SH3BP1: variants seen among roughly 807,000 people sequenced by gnomAD.
SH3BP1 encodes SH3 domain-binding protein 1.
SH3BP1 carries 46 observed loss-of-function variants against 69.8 expected under a neutral mutation model. The ratio of observed to expected loss-of-function variants is 0.66; its 90% CI spans 0.52 to 0.84. The LOEUF (loss-of-function observed/expected upper bound fraction) is 0.84. Ranked by LOEUF, SH3BP1 falls within the 40% of genes least tolerant of loss-of-function variation. The probability of loss-of-function intolerance (pLI) is 0.00; values close to 1 mark genes in which losing one functional copy is unlikely to be tolerated. For missense variants in SH3BP1, 868 were observed against 930.9 expected, an observed-to-expected ratio of 0.93 and a Z score of 0.88; for synonymous variants, 403 against 378.0, an observed-to-expected ratio of 1.07 and a Z score of -0.77.
intron 17 of SH3BP1, 25 bp downstream of exon 17, chr22:37,653,898 A>C: frequency 1.9e-6 from 1 of 524,216 alleles, no homozygotes; most frequent in African/African-American, 2.3e-5. Flanking sequence ...GGAGGGGAGG[A>C]GGGGACAGAG....
chr22:37,650,821 A>G (rs1932865744), intron 16 of SH3BP1, 96 bp downstream of exon 16: 5 of 1,440,556 alleles, frequency 3.5e-6, no homozygotes, highest in Non-Finnish European at 4.7e-6. Flanking sequence ...ATTTTTGGAA[A>G]TGTAATTATT....
intron 17 of SH3BP1, among the ~76,000 whole-genome samples, chr22:37,654,973 TAAATGGGCAAG>T (rs1932975193): frequency 6.8e-6 from 1 of 146,970 alleles, no homozygotes; most frequent in South Asian, 2.1e-4. Context: ...AAATTCAAAA[TAAATGGGCAAG>T]ATAATTTCAG....
In SH3BP1 at chr22:37,639,710, G is replaced by C; in HGVS notation, c.-78G>C. 1 of 911,640 alleles carries C rather than the reference G, an allele frequency of 1.1e-6. No individual in the cohort carries two copies. Among genetic ancestry groups the C allele is most frequent in the South Asian group, 1.8e-5 (1 of 55,308 alleles). The allele number at this position is 911,640 out of a possible 1,614,324, so 56.5% of individuals were successfully genotyped here. ...CATCCGGGGCAAGAGCCGCGCCGCAGGAGAGGCAGGCTGGACCGGGGGCTC... is the reference window on the plus strand; with the variant it reads ...CATCCGGGGCAAGAGCCGCGCCGCACGAGAGGCAGGCTGGACCGGGGGCTC... On this transcript the variant is annotated 5_prime_UTR_variant, in exon 1 of 18. Coordinates refer to ENST00000649765, the MANE Select transcript of SH3BP1 (RefSeq NM_018957.6).
intron 14 of SH3BP1, 62 bp from the exon 15 acceptor site, chr22:37,650,090 G>C (rs756516323): frequency 3.2e-6 from 5 of 1,574,982 alleles, no homozygotes; most frequent in Non-Finnish European, 4.4e-6. Context: ...GCCCAGCACA[G>C]AGCCAGCCAG....
In SH3BP1 at chr22:37,647,532, G is replaced by T. The variant is rs1451624575; in HGVS notation, c.1199+11G>T. On this transcript the variant is annotated intron_variant, in intron 13 of 17. Transcript: ENST00000649765. The stretch of plus-strand genomic sequence containing the variant: ...CCTCAGCAACCTCAGGTGAGCCCGA[G>T]CCCGCCTCCCCAGCCTGCCGCAGAG... The T allele has an allele frequency of 1.6e-5, 25 of 1,587,366 alleles. No individual in the cohort carries two copies. Among genetic ancestry groups the T allele is most frequent in the Non-Finnish European group, 2.1e-5 (25 of 1,171,350 alleles).
chr22:37,654,207 G>C (rs1048133096), intron 17 of SH3BP1, among the ~76,000 whole-genome samples: 1 of 152,126 alleles, frequency 6.6e-6, no homozygotes, highest in Non-Finnish European at 1.5e-5. Context: ...GTGAGTACTG[G>C]GGTACTGGAG....
chr22:37,647,397 G>A, intron 12 of SH3BP1, 44 bp from the exon 13 acceptor site: 1 of 1,612,690 alleles, frequency 6.2e-7, no homozygotes, highest in Non-Finnish European at 8.5e-7. Flanking sequence ...GGATGCAAAG[G>A]TGTAGCCCTG....
chr22:37,641,103 C>T (rs766042769), intron 1 of SH3BP1, 23 bp from the exon 2 acceptor site: 16 of 1,253,834 alleles, frequency 1.3e-5, no homozygotes, highest in Middle Eastern at 2.1e-4. Context: ...CACTCTCCCC[C>T]CCCCCCCCAC....
chr22:37,655,186 A>C, intron 17 of SH3BP1, 86 bp from the exon 18 acceptor site: 1 of 961,936 alleles, frequency 1.0e-6, no homozygotes, highest in Non-Finnish European at 1.5e-6. Context: ...AGCAGATGCA[A>C]AGGTTGTGAG....
intron 11 of SH3BP1, 114 bp from the exon 12 acceptor site, chr22:37,647,153 G>T (rs1932799014): frequency 3.1e-6 from 3 of 969,310 alleles, no homozygotes; most frequent in Admixed American, 2.1e-5. Flanking sequence ...ACAGCCCAAA[G>T]AAACTGTCAG....
chr22:37,650,213 G>C lies in SH3BP1; in HGVS notation c.1378G>C (p.Ala460Pro). Residue 460 changes from alanine to proline, a missense_variant, in exon 15 of 18, where the codon GCG becomes CCG. By Grantham distance (27) the Ala-to-Pro change is conservative. This residue lies in a region of SH3BP1 where 474 missense variants were observed against 462.3 expected (regional missense o/e 1.03). Coordinates refer to ENST00000649765, the MANE Select transcript of SH3BP1 (RefSeq NM_018957.6). ...CATCCAGGTGGTGGGCGTCGTCGAG[G>C]CGCTGATCCAGAGCGCAGACACCCT... ...SSIQVVGVVEALIQSADTLFP... is the reference protein window; with the variant it reads ...SSIQVVGVVEPLIQSADTLFP... 6.2e-7 allele frequency: 1 copy of C among 1,613,606 alleles called. No individual in the cohort carries two copies. Among genetic ancestry groups the C allele is most frequent in the South Asian group, 1.1e-5 (1 of 90,982 alleles).
intron 10 of SH3BP1, among the ~76,000 whole-genome samples, chr22:37,646,422 A>AT (rs1028602921): frequency 1.3e-5 from 2 of 150,692 alleles, no homozygotes; most frequent in African/African-American, 4.9e-5. Flanking sequence ...TGCCCAGCTA[A>AT]TTTTTTTTAT....
At position 37,643,078 on chromosome 22, in the gene SH3BP1, C is replaced by G. The variant is rs748470571; in HGVS notation, c.397-20C>G. On this transcript the variant is annotated intron_variant, in intron 5 of 17. Coordinates refer to ENST00000649765, the MANE Select transcript of SH3BP1 (RefSeq NM_018957.6). ...CTCCCTCCTCCCCCAGCACACTGAC[C>G]CCCCCATGCCCATCCCCAGGAGGAG... is the stretch of plus-strand genomic sequence containing the variant. 5.0e-5 allele frequency: 80 copies of G among 1,609,504 alleles called. No individual in the cohort carries two copies. The highest frequency in any genetic ancestry group is 6.5e-5 in the Non-Finnish European group (77 of 1,177,802).
intron 2 of SH3BP1, 64 bp downstream of exon 2, chr22:37,641,232 C>G (rs189598785): frequency 6.5e-7 from 1 of 1,531,314 alleles, no homozygotes; most frequent in African/African-American, 1.4e-5. Flanking sequence ...AGCAGAGGGC[C>G]GGGGCGGGGA....
At chr22:37,643,874 G>A (rs1335385483) in intron 7 of SH3BP1, 86 bp downstream of exon 7, 3 of 1,546,084 alleles carry the variant, frequency 1.9e-6, no homozygotes, top group African/African-American at 1.4e-5. Flanking sequence ...CTGAAGTTCA[G>A]AGAGGTGACA....
In SH3BP1 at chr22:37,655,518, C is replaced by T. The variant is rs369221850; in HGVS notation, c.1940C>T (p.Pro647Leu). The change falls in exon 18 of 18, where the codon CCA (proline) becomes CTA (leucine). Residue 647 changes from proline to leucine, a missense_variant. By Grantham distance (98) the Pro-to-Leu change is moderately conservative. This residue lies in a region of SH3BP1 where 474 missense variants were observed against 462.3 expected (regional missense o/e 1.03). Coordinates refer to ENST00000649765, the MANE Select transcript of SH3BP1 (RefSeq NM_018957.6). ...CCAGCCTCCCCCAGCCCGGCCTCCCCAGGTCCAGCCTCCCCCAGCCCAGTC... is the reference window on the plus strand; with the variant it reads ...CCAGCCTCCCCCAGCCCGGCCTCCCTAGGTCCAGCCTCCCCCAGCCCAGTC... ...RSPASPSPAS[P>L]GPASPSPVSL... 66 of 1,583,502 alleles carry T rather than the reference C, an allele frequency of 4.2e-5. No homozygotes were observed. The highest frequency in any genetic ancestry group is 5.4e-5 in the Non-Finnish European group (63 of 1,166,480).
intron 17 of SH3BP1, 58 bp downstream of exon 17, chr22:37,653,931 G>A (rs1376817470): frequency 7.5e-6 from 9 of 1,197,282 alleles, no homozygotes; most frequent in Non-Finnish European, 1.1e-5. Flanking sequence ...GAGGGGACAG[G>A]CAGTCCCAGG....
chr22:37,641,104 C>A lies in SH3BP1; in HGVS notation c.60-22C>A, dbSNP rs564498679. 1,181 of 1,286,784 alleles carry A rather than the reference C, an allele frequency of 9.2e-4. 5 individuals are homozygous for A. Among genetic ancestry groups the A allele is most frequent in the Non-Finnish European group, 1.1e-3 (979 of 926,394 alleles). 79.7% of individuals were successfully genotyped at this position (1,286,784 alleles called of 1,614,324 possible). The stretch of plus-strand genomic sequence containing the variant: ...AGGCTCAGCAGAAGCACTCTCCCCC[C>A]CCCCCCCACCACTCCCCGCAGCACC... On this transcript the variant is annotated intron_variant, in intron 1 of 17. Transcript: ENST00000649765.
Position 37,642,577 on chromosome 22 carries a change from T to C in SH3BP1, c.246T>C (p.Ala82=). The change falls in exon 4 of 18, where the codon GCT becomes GCC. Residue 82 remains alanine, a synonymous_variant. Coordinates refer to ENST00000649765, the MANE Select transcript of SH3BP1 (RefSeq NM_018957.6). ...LPLMALSTTM[A]ESFKELDPDS... ...TCATGGCTCTGTCCACCACGATGGC[T>C]GAGAGCTTCAAGGAGCTGGACCCTG... 2 of 1,613,298 alleles carry C rather than the reference T, an allele frequency of 1.2e-6. No individual in the cohort carries two copies. Among genetic ancestry groups the C allele is most frequent in the South Asian group, 1.1e-5 (1 of 91,074 alleles).
Sources: gnomAD v4.1 joint callset for allele counts (sites outside exome capture counted in the v4.1 genomes callset) on GRCh38, gnomAD v4.1.1 for gene constraint, gnomAD v4.1.1 regional missense constraint, MANE v1.5 for transcripts, NCBI Gene and HGNC (gene_info 2026-07-23, HGNC 2026-07-21) for gene names.